ASTN1: variants seen among roughly 807,000 people sequenced by gnomAD.
ASTN1 encodes astrotactin-1.
A neutral mutation model predicts 140.7 loss-of-function variants in ASTN1; 41 were observed. The observed-to-expected ratio is 0.29, with a 90% CI of 0.23 to 0.38. The LOEUF (loss-of-function observed/expected upper bound fraction) is 0.38. Among genes scored for constraint, ASTN1 ranks in the 10% least tolerant of loss-of-function variants. The pLI, the probability that ASTN1 is intolerant of heterozygous loss-of-function variation, is 1.00. For synonymous variants in ASTN1, 640 were observed against 652.2 expected, an observed-to-expected ratio of 0.98 and a Z score of 0.29; for missense variants, 1,479 against 1,678.8, an observed-to-expected ratio of 0.88 and a Z score of 2.08.
chr1:176,892,118 A>G (rs1471383455), intron 17 of ASTN1, among the ~76,000 whole-genome samples: 1 of 152,218 alleles, frequency 6.6e-6, no homozygotes, highest in Non-Finnish European at 1.5e-5. Context: ...TATAAGATAT[A>G]GAGTGGTAAC....
At chr1:177,113,838 G>A (rs933860208) in intron 1 of ASTN1, among the ~76,000 whole-genome samples, 16 of 152,208 alleles carry the variant, frequency 1.1e-4, no homozygotes, top group African/African-American at 3.9e-4. Flanking sequence ...AGAGAGTGAG[G>A]AGTCTCCCAC....
At chr1:177,003,662 A>AC (rs1674847724) in intron 8 of ASTN1, among the ~76,000 whole-genome samples, 1 of 151,998 alleles carries the variant, frequency 6.6e-6, no homozygotes, top group African/African-American at 2.4e-5. Flanking sequence ...AATACAAAAA[A>AC]TTAGCTGGGT....
intron 1 of ASTN1, among the ~76,000 whole-genome samples, chr1:177,125,373 T>C (rs894000810): frequency 1.3e-5 from 2 of 152,214 alleles, no homozygotes; most frequent in African/African-American, 4.8e-5. Flanking sequence ...AAAGATTAAG[T>C]GGATTGATTG....
chr1:176,872,717 C>T (rs1668400521), intron 21 of ASTN1, among the ~76,000 whole-genome samples: 2 of 152,270 alleles, frequency 1.3e-5, no homozygotes, highest in African/African-American at 4.8e-5. Flanking sequence ...GCTCTTCTCC[C>T]TCCCACTGTT....
At chr1:176,858,253 T>C (rs933499156), downstream of ASTN1, among the ~76,000 whole-genome samples, 5 of 152,218 alleles carry the variant, frequency 3.3e-5, no homozygotes, top group South Asian at 2.1e-4. Flanking sequence ...AGTGCAGACA[T>C]GAGCCAAGTC....
At chr1:177,136,281 G>A (rs1682191880) in intron 1 of ASTN1, among the ~76,000 whole-genome samples, 1 of 151,948 alleles carries the variant, frequency 6.6e-6, no homozygotes, top group Non-Finnish European at 1.5e-5. Flanking sequence ...TATCCCAATA[G>A]AATAGTCTCT....
At chr1:177,144,326 C>T (rs1428675976) in intron 1 of ASTN1, among the ~76,000 whole-genome samples, 2 of 150,986 alleles carry the variant, frequency 1.3e-5, no homozygotes, top group African/African-American at 4.9e-5. Flanking sequence ...GATCTCGGCT[C>T]ACTGCAAACT....
intron 20 of ASTN1, among the ~76,000 whole-genome samples, chr1:176,879,021 C>T (rs367672408): frequency 6.6e-6 from 1 of 152,160 alleles, no homozygotes; most frequent in African/African-American, 2.4e-5. Flanking sequence ...GTGCCCTAAG[C>T]CCAGTTCTGG....
At chr1:177,060,503 AGCCTC>A (rs780471825) in intron 2 of ASTN1, among the ~76,000 whole-genome samples, 7 of 152,166 alleles carry the variant, frequency 4.6e-5, no homozygotes, top group Admixed American at 1.3e-4. Flanking sequence ...ACAATCTATT[AGCCTC>A]ATCTAATTTT....
chr1:177,087,325 A>T (rs1679524640), intron 1 of ASTN1, among the ~76,000 whole-genome samples: 2 of 152,136 alleles, frequency 1.3e-5, no homozygotes, highest in South Asian at 4.1e-4. Context: ...CAAACCCCTA[A>T]GTTGGTTGCA....
At chr1:177,037,742 T>C (rs1676790452) in intron 2 of ASTN1, among the ~76,000 whole-genome samples, 1 of 152,208 alleles carries the variant, frequency 6.6e-6, no homozygotes. Context: ...TTCTATTGAT[T>C]TTTTTCTCAA....
At chr1:177,057,990 AG>A (rs1195877834) in intron 2 of ASTN1, among the ~76,000 whole-genome samples, 2 of 152,196 alleles carry the variant, frequency 1.3e-5, no homozygotes, top group African/African-American at 2.4e-5. Context: ...ATCTTCAAAC[AG>A]GATACCCTCA....
In ASTN1 at chr1:176,862,122, A is replaced by G. The variant is rs1034567093; in HGVS notation, c.*2162T>C. ...TTGGCCTGTCACATCTTCTCTGGCA[A>G]TGGTGAAATATTTGCCCCTTGAGGC... On this transcript the variant is annotated 3_prime_UTR_variant, in exon 23 of 23. Coordinates refer to ENST00000361833, the MANE Select transcript of ASTN1 (RefSeq NM_004319.3). 3.0e-6 allele frequency: 3 copies of G among 985,328 alleles called. No homozygotes were observed. Among genetic ancestry groups the G allele is most frequent in the Non-Finnish European group, 3.6e-6 (3 of 829,938 alleles). The allele number at this position is 985,328 out of a possible 1,614,324, so 61.0% of individuals were successfully genotyped here.
At chr1:177,003,728 C>T (rs946812103) in intron 8 of ASTN1, among the ~76,000 whole-genome samples, 12 of 151,962 alleles carry the variant, frequency 7.9e-5, no homozygotes, top group Non-Finnish European at 2.9e-5. Flanking sequence ...AGGAGAATCG[C>T]TTGAACTTGC....
intron 1 of ASTN1, among the ~76,000 whole-genome samples, chr1:177,081,619 C>A (rs1679183063): frequency 6.6e-6 from 1 of 152,096 alleles, no homozygotes; most frequent in African/African-American, 2.4e-5. Flanking sequence ...CTGGCCACAT[C>A]TTGGCTAAGT....
chr1:176,929,464 T>C (rs1020228005), intron 16 of ASTN1, among the ~76,000 whole-genome samples: 2 of 152,222 alleles, frequency 1.3e-5, no homozygotes, highest in African/African-American at 4.8e-5. Context: ...CAAGGGATTC[T>C]TCCCTAGAGC....
rs1668036196 is a variant in ASTN1, at chr1:176,863,602, G to C, written c.*682C>G. Reference sequence around the variant, plus strand: ...GAGGAAGGGACAGAGATCTGACAGAGGGAGATTTAATCCCAGTCCTGGCTT... The same window carrying C: ...GAGGAAGGGACAGAGATCTGACAGACGGAGATTTAATCCCAGTCCTGGCTT... On this transcript the variant is annotated 3_prime_UTR_variant, in exon 23 of 23. Coordinates refer to ENST00000361833, the MANE Select transcript of ASTN1 (RefSeq NM_004319.3). The C allele has an allele frequency of 2.0e-6, 2 of 985,432 alleles. No individual in the cohort carries two copies. Among genetic ancestry groups the C allele is most frequent in the African/African-American group, 3.5e-5 (2 of 57,240 alleles). 61.0% of individuals were successfully genotyped at this position (985,432 alleles called of 1,614,324 possible). A position where few individuals can be genotyped will look rare whatever the true frequency, so the allele number is the denominator to read the frequency against.
chr1:176,982,666 C>T (rs1673675583), intron 8 of ASTN1, among the ~76,000 whole-genome samples: 1 of 152,156 alleles, frequency 6.6e-6, no homozygotes, highest in Non-Finnish European at 1.5e-5. Context: ...ACCTGGAGAA[C>T]TTTTGACCTT....
At chr1:176,962,622 G>A (rs1672715713) in intron 9 of ASTN1, among the ~76,000 whole-genome samples, 1 of 152,130 alleles carries the variant, frequency 6.6e-6, no homozygotes, top group Admixed American at 6.5e-5. Flanking sequence ...ATTTGCAGGG[G>A]TAAAGTCATT....
Sources: allele counts gnomAD v4.1 joint callset (sites outside exome capture counted in the v4.1 genomes callset), GRCh38; gene constraint gnomAD v4.1.1; transcripts MANE v1.5; gene names NCBI Gene and HGNC (gene_info 2026-07-23, HGNC 2026-07-21).